Variants in DCHS2 observed in about 807,000 individuals in gnomAD.
DCHS2 encodes the protein protocadherin-23.
A neutral mutation model predicts 182.4 loss-of-function variants in DCHS2; 142 were observed. The observed-to-expected ratio is 0.78, with a 90% CI of 0.68 to 0.89. The LOEUF (loss-of-function observed/expected upper bound fraction) is 0.89. Among genes scored for constraint, DCHS2 ranks in the 40% least tolerant of loss-of-function variants. The pLI is 0.00. For synonymous variants in DCHS2, 1,740 were observed against 1,663.3 expected (o/e 1.05, Z -1.12); for missense variants, 4,319 against 4,198.6 (o/e 1.03, Z -0.79).
intron 15 of DCHS2, 74 bp downstream of exon 15, chr4:154,259,471 T>TTCTC: frequency 1.4e-6 from 2 of 1,414,354 alleles, no homozygotes; most frequent in Non-Finnish European, 1.9e-6. Context: ...CTTGTAATAA[T>TTCTC]TCTCTCTCTC....
intron 1 of DCHS2, among the ~76,000 whole-genome samples, chr4:154,377,729 T>C (rs563257448): frequency 2.2e-4 from 34 of 152,292 alleles, no homozygotes; most frequent in African/African-American, 7.9e-4. Flanking sequence ...TTCATTCACT[T>C]ATAGTCTTCT....
Position 154,235,393 on chromosome 4 carries a change from T to A in DCHS2, c.9259A>T (p.Arg3087Ter), listed in dbSNP as rs1178961929. The A allele has an allele frequency of 1.9e-6, 3 of 1,613,954 alleles. No individual in the cohort carries two copies. The African/African-American group carries it at 4.0e-5, about 22-fold the overall frequency. Residue 3087 changes from arginine (R) to a stop codon, truncating the protein, a stop_gained, in exon 20 of 20, where the codon AGA (arginine) becomes TGA (stop). Transcript: ENST00000357232. LOFTEE classifies it low-confidence loss of function (END_TRUNC). ...CAGTGGCCACTGGAGTTTGAGTGTCTGTACAGATTGACAATATCCTTCTCC... is the reference window on the plus strand; with the variant it reads ...CAGTGGCCACTGGAGTTTGAGTGTCAGTACAGATTGACAATATCCTTCTCC... ...IMEKDIVNLY[R>*]HSNSSGHCSV...
chr4:154,253,846 C>T (rs770505124), intron 16 of DCHS2, among the ~76,000 whole-genome samples: 1 of 143,080 alleles, frequency 7.0e-6, no homozygotes, highest in Non-Finnish European at 1.5e-5. Flanking sequence ...TGCTCAACCA[C>T]ATGCACATAT....
intron 1 of DCHS2, among the ~76,000 whole-genome samples, chr4:154,395,632 A>T (rs1234731544): frequency 6.6e-6 from 1 of 152,174 alleles, no homozygotes; most frequent in East Asian, 1.9e-4. Flanking sequence ...TCTATTTGTA[A>T]AACTGAGAAT....
intron 15 of DCHS2, among the ~76,000 whole-genome samples, chr4:154,257,400 A>G (rs1263440673): frequency 6.6e-6 from 1 of 152,154 alleles, no homozygotes; most frequent in Non-Finnish European, 1.5e-5. Flanking sequence ...GCTCTAGGGA[A>G]TGTAAAGCAC....
At chr4:154,403,514 T>A (rs1388295037) in intron 1 of DCHS2, among the ~76,000 whole-genome samples, 1 of 152,200 alleles carries the variant, frequency 6.6e-6, no homozygotes, top group East Asian at 1.9e-4. Context: ...GGTTTTATGA[T>A]CCTTTTCATA....
intron 1 of DCHS2, among the ~76,000 whole-genome samples, chr4:154,462,065 G>A (rs1475399214): frequency 2.0e-5 from 3 of 151,836 alleles, no homozygotes; most frequent in Non-Finnish European, 4.4e-5. Context: ...CACCTCACCC[G>A]CCCCACTCCC....
Position 154,240,740 on chromosome 4 carries a change from C to G in DCHS2, c.7156G>C (p.Glu2386Gln), listed in dbSNP as rs759286029. The G allele has an allele frequency of 6.2e-7, 1 of 1,613,944 alleles. No homozygotes were observed. Among genetic ancestry groups the G allele is most frequent in the Admixed American group, 1.7e-5 (1 of 59,982 alleles). The change falls in exon 18 of 20, where the codon GAG (glutamate) becomes CAG (glutamine). Residue 2386 changes from glutamate (E) to glutamine (Q), a missense_variant. Transcript: ENST00000357232. The stretch of plus-strand genomic sequence containing the variant: ...GCAAACTTGGTTCCAGGATTACTCT[C>G]TTTGGCAAAACTGAATATGAAAGCT... ...NSAFIFSFAKESNPGTKFAID... is the reference protein window; with the variant it reads ...NSAFIFSFAKQSNPGTKFAID...
At chr4:154,420,555 C>A (rs1311332475) in intron 1 of DCHS2, among the ~76,000 whole-genome samples, 1 of 152,130 alleles carries the variant, frequency 6.6e-6, no homozygotes, top group African/African-American at 2.4e-5. Context: ...AGTCTAAAGA[C>A]TGGAAAACCT....
intron 1 of DCHS2, among the ~76,000 whole-genome samples, chr4:154,450,603 TG>T: frequency 6.6e-6 from 1 of 152,016 alleles, no homozygotes. Context: ...GAGGCCAAGA[TG>T]GGTGGATTAC....
chr4:154,390,352 G>A (rs938595410), intron 1 of DCHS2, among the ~76,000 whole-genome samples: 1 of 145,520 alleles, frequency 6.9e-6, no homozygotes, highest in African/African-American at 2.6e-5. Context: ...ACCTATGAGT[G>A]AGAATATGCG....
At chr4:154,444,041 C>G (rs1413622753) in intron 1 of DCHS2, among the ~76,000 whole-genome samples, 1 of 152,132 alleles carries the variant, frequency 6.6e-6, no homozygotes, top group Non-Finnish European at 1.5e-5. Context: ...TGCCCAGCTG[C>G]TTTTTCTCAG....
chr4:154,331,198 A>C (rs1736506702), intron 5 of DCHS2, among the ~76,000 whole-genome samples: 1 of 151,884 alleles, frequency 6.6e-6, no homozygotes, highest in Non-Finnish European at 1.5e-5. Flanking sequence ...TTAGCTCTTT[A>C]CCCCTCAAAG....
At chr4:154,467,334 C>T (rs145432037) in intron 1 of DCHS2, among the ~76,000 whole-genome samples, 72 of 152,160 alleles carry the variant, frequency 4.7e-4, no homozygotes, top group African/African-American at 1.7e-3. Flanking sequence ...TACAAGTGAG[C>T]AAGGATTGCC....
At chr4:154,357,406 T>C in intron 3 of DCHS2, 1 of 868,626 alleles carries the variant, frequency 1.2e-6, no homozygotes, top group South Asian at 1.4e-5. Flanking sequence ...TCTGCCTTTC[T>C]TCATAGTCCA....
At chr4:154,374,172 G>A (rs1419193040) in intron 2 of DCHS2, 4 of 504,150 alleles carry the variant, frequency 7.9e-6, no homozygotes, top group Admixed American at 3.7e-5. Context: ...CATTTGCAGG[G>A]GAGCTTGCTT....
At chr4:154,441,733 C>CTG (rs1553952844) in intron 1 of DCHS2, among the ~76,000 whole-genome samples, 1 of 114,710 alleles carries the variant, frequency 8.7e-6, no homozygotes, top group African/African-American at 3.0e-5. Flanking sequence ...ATTTATTAGG[C>CTG]TTTTTTTTTA....
At chr4:154,240,271 A>G (rs2111101357) in intron 18 of DCHS2, among the ~76,000 whole-genome samples, 2 of 151,028 alleles carry the variant, frequency 1.3e-5, no homozygotes, top group South Asian at 4.2e-4. Context: ...GCAGGTTCCA[A>G]TTGTCATGAC....
At chr4:154,331,882 A>G (rs1465601792) in intron 5 of DCHS2, among the ~76,000 whole-genome samples, 2 of 152,232 alleles carry the variant, frequency 1.3e-5, no homozygotes, top group African/African-American at 4.8e-5. Context: ...AAATTTTAAA[A>G]TATAGTGACT....
Sources: gnomAD v4.1 joint callset for allele counts (sites outside exome capture counted in the v4.1 genomes callset) on GRCh38, gnomAD v4.1.1 for gene constraint, MANE v1.5 for transcripts, NCBI Gene and HGNC (gene_info 2026-07-23, HGNC 2026-07-21) for gene names.